Variants in CHIC1 observed in about 807,000 individuals in gnomAD.
CHIC1 encodes the protein cysteine rich hydrophobic domain 1.
In CHIC1, 7 loss-of-function variants were observed where a neutral mutation model predicts 18.5. The observed-to-expected ratio is 0.38, with a 90% CI of 0.22 to 0.71. CHIC1 has a LOEUF of 0.71. Ranked by LOEUF, CHIC1 falls within the 30% of genes least tolerant of loss-of-function variation. The pLI is 0.49. For missense variants in CHIC1, 159 were observed against 176.9 expected (o/e 0.90, Z 0.57); for synonymous variants, 77 against 73.5 (o/e 1.05, Z -0.25).
intron 3 of CHIC1, among the ~76,000 whole-genome samples, chrX:73,606,262 G>A (rs751492038): frequency 3.8e-5 from 4 of 104,810 alleles, no homozygotes; most frequent in Admixed American, 1.0e-4. Flanking sequence ...CCTTTCTTCC[G>A]CTTGATTGAT....
At chrX:73,675,786 G>A (rs1167197654) in intron 3 of CHIC1, among the ~76,000 whole-genome samples, 3 of 110,810 alleles carry the variant, frequency 2.7e-5, no homozygotes, top group Non-Finnish European at 3.8e-5. Context: ...GATGTTAGCT[G>A]GTTATTTTGC....
intron 2 of CHIC1, among the ~76,000 whole-genome samples, chrX:73,578,224 T>A (rs1220051607): frequency 1.8e-5 from 2 of 110,732 alleles, no homozygotes; most frequent in East Asian, 5.6e-4. Flanking sequence ...ATATATACAA[T>A]TTTTAAAAAG....
chrX:73,658,246 A>AG (rs2057960502), intron 3 of CHIC1, among the ~76,000 whole-genome samples: 1 of 26,465 alleles, frequency 3.8e-5, no homozygotes, highest in Non-Finnish European at 6.8e-5. Flanking sequence ...TCCTGGTCCT[A>AG]GGTTTTTTTT....
intron 3 of CHIC1, among the ~76,000 whole-genome samples, chrX:73,639,699 G>T (rs937335931): frequency 1.8e-5 from 2 of 111,305 alleles, no homozygotes; most frequent in Non-Finnish European, 3.8e-5. Flanking sequence ...TATGATGTAG[G>T]AAAGTGGTCC....
intron 3 of CHIC1, among the ~76,000 whole-genome samples, chrX:73,641,825 A>G: frequency 9.0e-6 from 1 of 111,245 alleles, no homozygotes; most frequent in Non-Finnish European, 1.9e-5. Flanking sequence ...AATTTCATCC[A>G]TGTCCCTACA....
intron 3 of CHIC1, among the ~76,000 whole-genome samples, chrX:73,637,489 C>T (rs1480455599): frequency 9.1e-6 from 1 of 110,368 alleles, no homozygotes; most frequent in Non-Finnish European, 1.9e-5. Context: ...CTTGGAAGCC[C>T]ATAATACACA....
intron 1 of CHIC1, among the ~76,000 whole-genome samples, chrX:73,565,580 G>A (rs1307774568): frequency 3.6e-5 from 4 of 111,764 alleles, no homozygotes; most frequent in Admixed American, 9.5e-5. Flanking sequence ...TAGTTTTGTT[G>A]TACACATTCT....
chrX:73,676,215 G>T (rs1207117422), intron 3 of CHIC1, among the ~76,000 whole-genome samples: 1 of 111,220 alleles, frequency 9.0e-6, no homozygotes, highest in Non-Finnish European at 1.9e-5. Flanking sequence ...GTGTCTTGGA[G>T]TTGCTCTTCT....
At chrX:73,640,644 G>T (rs1376491930) in intron 3 of CHIC1, among the ~76,000 whole-genome samples, 1 of 111,529 alleles carries the variant, frequency 9.0e-6, no homozygotes, top group East Asian at 2.8e-4. Flanking sequence ...GTGTATAGAG[G>T]TGTTTATAGT....
intron 1 of CHIC1, among the ~76,000 whole-genome samples, chrX:73,572,917 A>AT (rs1196265757): frequency 9.1e-6 from 1 of 110,452 alleles, no homozygotes; most frequent in Non-Finnish European, 1.9e-5. Flanking sequence ...TTGATTGATA[A>AT]TTTCTTTTGC....
At chrX:73,594,569 A>G (rs2057597957) in intron 3 of CHIC1, among the ~76,000 whole-genome samples, 1 of 112,111 alleles carries the variant, frequency 8.9e-6, no homozygotes, top group Non-Finnish European at 1.9e-5. Flanking sequence ...TTTAAATGTA[A>G]GGGCCAGCAG....
chrX:73,680,876 TTA>T, intron 5 of CHIC1, 77 bp from the exon 6 acceptor site: 1 of 519,993 alleles, frequency 1.9e-6, no homozygotes, highest in Non-Finnish European at 3.2e-6. Flanking sequence ...TGAAAAATGA[TTA>T]TAGACTTTCT....
At chrX:73,649,339 A>C (rs777761797) in intron 3 of CHIC1, among the ~76,000 whole-genome samples, 2 of 111,866 alleles carry the variant, frequency 1.8e-5, no homozygotes, top group South Asian at 7.6e-4. Context: ...CATCAAATTC[A>C]CATATAACAA....
intron 3 of CHIC1, among the ~76,000 whole-genome samples, chrX:73,635,151 G>C (rs1290353316): frequency 1.8e-5 from 2 of 111,140 alleles, no homozygotes; most frequent in African/African-American, 6.5e-5. Flanking sequence ...TCATGTGGTT[G>C]TTTTCATTCA....
At chrX:73,612,266 G>A (rs779614767) in intron 3 of CHIC1, among the ~76,000 whole-genome samples, 2 of 111,706 alleles carry the variant, frequency 1.8e-5, no homozygotes, top group East Asian at 2.8e-4. Flanking sequence ...CCAGCTTTTT[G>A]TTTAATAGAT....
chrX:73,646,491 G>A (rs781093155), intron 3 of CHIC1, among the ~76,000 whole-genome samples: 1 of 111,909 alleles, frequency 8.9e-6, no homozygotes, highest in East Asian at 2.8e-4. Context: ...CCTTCCATTT[G>A]TGTGTTCTTC....
chrX:73,605,961 A>AT (rs761589497), intron 3 of CHIC1, among the ~76,000 whole-genome samples: 1 of 107,775 alleles, frequency 9.3e-6, no homozygotes, highest in South Asian at 3.9e-4. Flanking sequence ...GAATCTGATG[A>AT]TTATGTGTCT....
intron 3 of CHIC1, among the ~76,000 whole-genome samples, chrX:73,618,511 A>G (rs1277337301): frequency 9.0e-6 from 1 of 110,828 alleles, no homozygotes; most frequent in East Asian, 2.9e-4. Flanking sequence ...CCAGGGGATT[A>G]TGGTTGCCTC....
intron 3 of CHIC1, among the ~76,000 whole-genome samples, chrX:73,585,547 G>A (rs1482291181): frequency 9.0e-6 from 1 of 111,013 alleles, no homozygotes; most frequent in African/African-American, 3.3e-5. Flanking sequence ...AAAGCTGACA[G>A]CATAAATTCC....
Sources: gnomAD v4.1 joint callset for allele counts (sites outside exome capture counted in the v4.1 genomes callset) on GRCh38, gnomAD v4.1.1 for gene constraint, MANE v1.5 for transcripts, NCBI Gene and HGNC (gene_info 2026-07-23, HGNC 2026-07-21) for gene names.